Variants in KATNBL1 observed in about 807,000 individuals in gnomAD.
KATNBL1 encodes the protein katanin regulatory subunit B1 like 1, also known as KATNB1-like protein 1.
In KATNBL1, 28 loss-of-function variants were observed where a neutral mutation model predicts 44.7. That is an observed-to-expected ratio of 0.63 (90% CI 0.46 to 0.86). The LOEUF (loss-of-function observed/expected upper bound fraction) is 0.86. KATNBL1 is among the 40% of genes least tolerant of loss of function. The probability of loss-of-function intolerance (pLI) is 0.00; values close to 1 mark genes in which losing one functional copy is unlikely to be tolerated. For missense variants in KATNBL1, 272 were observed against 350.7 expected, an observed-to-expected ratio of 0.78 and a Z score of 1.79; for synonymous variants, 78 against 114.9, an observed-to-expected ratio of 0.68 and a Z score of 2.06.
At chr15:34,159,646 C>T (rs1208061582) in intron 2 of KATNBL1, among the ~76,000 whole-genome samples, 1 of 152,012 alleles carries the variant, frequency 6.6e-6, no homozygotes, top group African/African-American at 2.4e-5. Context: ...TCCTTGATTC[C>T]CATCTTTTGA....
chr15:34,148,447 G>A, intron 5 of KATNBL1, 185 bp downstream of exon 5: 1 of 426,870 alleles, frequency 2.3e-6, no homozygotes, highest in Non-Finnish European at 4.4e-6. Flanking sequence ...AAATAGCCAG[G>A]TGTGGTGATG....
chr15:34,144,875 A>C (rs933346595), intron 9 of KATNBL1: 3 of 191,726 alleles, frequency 1.6e-5, no homozygotes, highest in African/African-American at 2.4e-5. Context: ...CCTAACTACC[A>C]ATGTTTTCTG....
At chr15:34,163,731 G>T in intron 1 of KATNBL1, 41 bp from the exon 2 acceptor site, 2 of 1,166,644 alleles carry the variant, frequency 1.7e-6, no homozygotes, top group South Asian at 1.6e-5. Context: ...ACAGCAAAAA[G>T]AGTCTGATCA....
At chr15:34,151,939 C>T (rs1287346728) in intron 4 of KATNBL1, among the ~76,000 whole-genome samples, 3 of 145,776 alleles carry the variant, frequency 2.1e-5, no homozygotes, top group African/African-American at 8.0e-5. Flanking sequence ...CTTCGGTGGT[C>T]CACTTTTTTT....
intron 1 of KATNBL1, among the ~76,000 whole-genome samples, chr15:34,174,972 GT>G (rs80066991): frequency 0.33 from 49,821 of 151,896 alleles, 8,609 homozygotes; most frequent in African/African-American, 0.45. Context: ...AGCAGGCCAG[GT>G]TGGTGGCTCA....
intron 2 of KATNBL1, among the ~76,000 whole-genome samples, chr15:34,158,179 T>C (rs1245318930): frequency 2.0e-5 from 3 of 152,236 alleles, no homozygotes; most frequent in Admixed American, 6.5e-5. Context: ...AAAGTGTAAA[T>C]TGCTACACAT....
chr15:34,148,633 T>G lies in KATNBL1; in HGVS notation c.556A>C (p.Arg186=). 1 of 1,511,190 alleles carries G rather than the reference T, an allele frequency of 6.6e-7. No homozygotes were observed. The highest frequency in any genetic ancestry group is 9.2e-7 in the Non-Finnish European group (1 of 1,087,532). The allele number at this position is 1,511,190 out of a possible 1,614,324, so 93.6% of individuals were successfully genotyped here. The change falls in exon 5 of 10, where the codon AGG becomes CGG. Residue 186 remains arginine (R), a splice_region_variant and synonymous_variant. Coordinates refer to ENST00000256544, the MANE Select transcript of KATNBL1 (RefSeq NM_024713.3). The part of the protein sequence containing the change: ...SISELVAYLL[R]IEDLGVVVDC... ...AAGAGGATAAAAGGTCACACTTACC[T>G]CAACAAATAAGCTACAAGTTCACTT...
chr15:34,185,845 C>T (rs60905714), intron 1 of KATNBL1, among the ~76,000 whole-genome samples: 31,347 of 151,990 alleles, frequency 0.21, 4,046 homozygotes, highest in African/African-American at 0.37. Context: ...AGGAAGCAGG[C>T]GGCCACTTGG....
intron 9 of KATNBL1, chr15:34,142,573 G>C: frequency 2.1e-6 from 1 of 477,600 alleles, no homozygotes; most frequent in East Asian, 3.7e-5. Flanking sequence ...ATATATATTT[G>C]CTAAGTGCTA....
intron 1 of KATNBL1, among the ~76,000 whole-genome samples, chr15:34,205,691 G>A (rs1346574587): frequency 6.6e-6 from 1 of 152,138 alleles, no homozygotes; most frequent in Non-Finnish European, 1.5e-5. Flanking sequence ...GAGCATCTGC[G>A]CAGTACTCCA....
At chr15:34,144,914 A>G (rs1302134419) in intron 9 of KATNBL1, 1 of 267,560 alleles carries the variant, frequency 3.7e-6, no homozygotes, top group Non-Finnish European at 5.9e-6. Flanking sequence ...TCAAACTAGC[A>G]ATTTTTACTT....
chr15:34,198,329 T>C (rs1182297898), intron 1 of KATNBL1: 5 of 152,312 alleles, frequency 3.3e-5, no homozygotes, highest in Non-Finnish European at 7.3e-5. Context: ...CATCCCATAG[T>C]TTCTAGTGGG....
intron 5 of KATNBL1, among the ~76,000 whole-genome samples, chr15:34,148,068 C>T (rs1049845869): frequency 6.6e-6 from 1 of 152,080 alleles, no homozygotes; most frequent in African/African-American, 2.4e-5. Context: ...GTTGCTCAGT[C>T]TCTCACTCCT....
chr15:34,198,875 T>A (rs971667085), intron 1 of KATNBL1, among the ~76,000 whole-genome samples: 1 of 152,246 alleles, frequency 6.6e-6, no homozygotes, highest in Non-Finnish European at 1.5e-5. Context: ...AACTATTATA[T>A]AGGTACAGCA....
chr15:34,154,754 C>T (rs77111922), intron 2 of KATNBL1, 70 bp from the exon 3 acceptor site: 140,813 of 1,031,872 alleles, frequency 0.14, 10,446 homozygotes, highest in Non-Finnish European at 0.15. Context: ...ATCAGCACTC[C>T]GGCAAAAAGC....
At chr15:34,163,832 C>T in intron 1 of KATNBL1, 142 bp from the exon 2 acceptor site, 1 of 479,600 alleles carries the variant, frequency 2.1e-6, no homozygotes. Context: ...TTTTAAAAAC[C>T]TTAAACATAG....
At chr15:34,145,355 T>C in intron 9 of KATNBL1, 43 bp downstream of exon 9, 1 of 1,341,738 alleles carries the variant, frequency 7.5e-7, no homozygotes, top group South Asian at 1.9e-5. Flanking sequence ...AAATATTATT[T>C]CTAATTTTTA....
intron 1 of KATNBL1, among the ~76,000 whole-genome samples, chr15:34,171,776 G>A (rs1406066135): frequency 2.0e-5 from 3 of 152,060 alleles, no homozygotes; most frequent in Middle Eastern, 3.2e-3. Context: ...ATGAGTTCAC[G>A]TCCTTAACAG....
intron 1 of KATNBL1, among the ~76,000 whole-genome samples, chr15:34,188,137 T>TAAAAAAACAAAAAAAAAAAAAAAAA (rs1491479355): frequency 4.5e-5 from 1 of 22,098 alleles, no homozygotes; most frequent in East Asian, 2.2e-3. Context: ...AGACGCCATG[T>TAAAAAAACAAAAAAAAAAAAAAAAA]AAAAAAAAAA....
Sources: gnomAD v4.1 joint callset for allele counts (sites outside exome capture counted in the v4.1 genomes callset) on GRCh38, gnomAD v4.1.1 for gene constraint, MANE v1.5 for transcripts, NCBI Gene and HGNC (gene_info 2026-07-23, HGNC 2026-07-21) for gene names.